Variants in DAB1 observed in about 807,000 individuals in gnomAD.
The protein encoded by DAB1 is disabled homolog 1.
A neutral mutation model predicts 64.6 loss-of-function variants in DAB1; 15 were observed. The observed-to-expected ratio is 0.23, with a 90% CI of 0.16 to 0.36. The LOEUF (loss-of-function observed/expected upper bound fraction) is 0.36, where lower values mean the gene tolerates loss of function less well. DAB1 is among the 10% of genes least tolerant of loss of function. DAB1 has a pLI of 1.00. For synonymous variants in DAB1, 235 were observed against 251.9 expected (o/e 0.93, Z 0.64); for missense variants, 596 against 706.7 (o/e 0.84, Z 1.78).
chr1:57,236,616 A>C (rs1448078099), intron 2 of DAB1, among the ~76,000 whole-genome samples: 1 of 152,188 alleles, frequency 6.6e-6, no homozygotes. Flanking sequence ...CAAATCAACA[A>C]TGCCTTTTTA....
intron 4 of DAB1, among the ~76,000 whole-genome samples, chr1:57,078,083 T>A (rs2100616386): frequency 6.6e-6 from 1 of 152,338 alleles, no homozygotes; most frequent in South Asian, 2.1e-4. Flanking sequence ...AACATATTTT[T>A]GGATGTGCTT....
At chr1:58,304,633 T>C (rs1321969149) in intron 4 of DAB1, among the ~76,000 whole-genome samples, 1 of 152,158 alleles carries the variant, frequency 6.6e-6, no homozygotes, top group Middle Eastern at 3.2e-3. Flanking sequence ...GGAAAGAAGA[T>C]CTCTAAGTTC....
At chr1:57,259,671 T>A (rs1007638347) in intron 2 of DAB1, among the ~76,000 whole-genome samples, 1 of 152,122 alleles carries the variant, frequency 6.6e-6, no homozygotes, top group African/African-American at 2.4e-5. Flanking sequence ...AATTTGTAAT[T>A]TATGTGGGTC....
intron 6 of DAB1, among the ~76,000 whole-genome samples, chr1:57,720,917 C>T (rs994886193): frequency 7.2e-5 from 11 of 152,198 alleles, no homozygotes; most frequent in Non-Finnish European, 1.0e-4. Context: ...ATCACTTGCA[C>T]TGGCCCTGGG....
chr1:57,760,783 C>T (rs923288704), intron 6 of DAB1, among the ~76,000 whole-genome samples: 1 of 152,068 alleles, frequency 6.6e-6, no homozygotes, highest in Non-Finnish European at 1.5e-5. Flanking sequence ...AAGAGGCTGG[C>T]CATGACATGT....
intron 1 of DAB1, among the ~76,000 whole-genome samples, chr1:57,356,350 C>T (rs116140178): frequency 0.077 from 11,744 of 152,136 alleles, 500 homozygotes; most frequent in Middle Eastern, 0.12. Context: ...AAAATACCTA[C>T]TATAAGAGTA....
intron 3 of DAB1, among the ~76,000 whole-genome samples, chr1:58,464,698 C>T (rs1343113690): frequency 1.1e-4 from 16 of 152,110 alleles, no homozygotes; most frequent in Admixed American, 9.8e-4. Flanking sequence ...TCAAAGGCAC[C>T]TAATAAAATA....
chr1:57,848,977 T>C lies in DAB1; in HGVS notation n.88-22522A>G, dbSNP rs907543513. Among the ~76,000 whole-genome samples the C allele has an allele frequency of 3.3e-5, 5 of 152,178 alleles. No individual in the cohort carries two copies. In the East Asian group the frequency reaches 9.6e-4, roughly 29 times the overall value. On this transcript the variant is annotated intron_variant and non_coding_transcript_variant, in intron 1 of 1. Transcript: ENST00000477280. Reference sequence around the variant, plus strand: ...GATTGAAGGTCATGTCTTACGATATTTGTGGAAAGGTAAATATTATTTCAA... The same window carrying C: ...GATTGAAGGTCATGTCTTACGATATCTGTGGAAAGGTAAATATTATTTCAA...
At chr1:57,418,516 A>G (rs964239519) in intron 1 of DAB1, among the ~76,000 whole-genome samples, 1 of 152,190 alleles carries the variant, frequency 6.6e-6, no homozygotes, top group African/African-American at 2.4e-5. Flanking sequence ...AAGACTCACT[A>G]CAGGTGGTCA....
intron 7 of DAB1, among the ~76,000 whole-genome samples, chr1:57,472,242 T>C (rs1359591229): frequency 6.6e-6 from 1 of 152,206 alleles, no homozygotes; most frequent in African/African-American, 2.4e-5. Context: ...CAGGTCATTA[T>C]AAAGTAAAGG....
intron 5 of DAB1, among the ~76,000 whole-genome samples, chr1:57,929,249 T>C (rs116377357): frequency 6.6e-6 from 1 of 152,354 alleles, no homozygotes; most frequent in Admixed American, 6.5e-5. Flanking sequence ...GTGAGATGTA[T>C]GTAAAGGTCT....
chr1:57,494,217 T>C (rs1168790353), intron 7 of DAB1, among the ~76,000 whole-genome samples: 1 of 152,150 alleles, frequency 6.6e-6, no homozygotes, highest in African/African-American at 2.4e-5. Flanking sequence ...GAATTCCATT[T>C]CTAAACCTAG....
At chr1:57,706,882 G>A (rs1646973110) in intron 6 of DAB1, among the ~76,000 whole-genome samples, 1 of 151,956 alleles carries the variant, frequency 6.6e-6, no homozygotes, top group African/African-American at 2.4e-5. Context: ...AGACCAGACT[G>A]CCCAACATGG....
chr1:57,157,312 C>G (rs1660321745), intron 2 of DAB1, among the ~76,000 whole-genome samples: 1 of 152,090 alleles, frequency 6.6e-6, no homozygotes, highest in Non-Finnish European at 1.5e-5. Flanking sequence ...TTTCTTATAT[C>G]AAGCTGAGTA....
intron 7 of DAB1, among the ~76,000 whole-genome samples, chr1:57,642,743 G>T (rs77901622): frequency 1.6e-3 from 251 of 152,254 alleles, no homozygotes; most frequent in Non-Finnish European, 3.2e-3. Context: ...GGATACCTTT[G>T]GCAGGTGAGG....
chr1:57,051,447 TG>T (rs1649176419), intron 9 of DAB1, among the ~76,000 whole-genome samples: 7 of 152,234 alleles, frequency 4.6e-5, no homozygotes, highest in Admixed American at 4.6e-4. Flanking sequence ...AGATGGGAGT[TG>T]TGGGGGGGAA....
intron 6 of DAB1, among the ~76,000 whole-genome samples, chr1:57,660,327 G>T (rs779021677): frequency 5.3e-5 from 8 of 152,068 alleles, no homozygotes; most frequent in Non-Finnish European, 1.0e-4. Context: ...GCAAAAGTAG[G>T]TTTTCTACTC....
intron 1 of DAB1, among the ~76,000 whole-genome samples, chr1:57,347,519 C>T (rs1678213071): frequency 2.0e-5 from 3 of 152,180 alleles, no homozygotes; most frequent in Non-Finnish European, 2.9e-5. Context: ...TGACTTTTAT[C>T]ATTATTCCAA....
intron 4 of DAB1, among the ~76,000 whole-genome samples, chr1:58,171,393 G>A (rs1656167592): frequency 6.6e-6 from 1 of 152,198 alleles, no homozygotes; most frequent in Non-Finnish European, 1.5e-5. Flanking sequence ...AGGAAATGCA[G>A]CAGTCCCTGC....
Sources: gnomAD v4.1 joint callset for allele counts (sites outside exome capture counted in the v4.1 genomes callset) on GRCh38, gnomAD v4.1.1 for gene constraint, MANE v1.5 for transcripts, NCBI Gene and HGNC (gene_info 2026-07-23, HGNC 2026-07-21) for gene names.